SLC71A2: variants seen among roughly 807,000 people sequenced by gnomAD.
SLC71A2 encodes the protein hippocampus abundant transcript-like 1.
At chr9:94,423,475 T>A in the SLC71A2 span, among the ~76,000 whole-genome samples, 1 of 152,146 alleles carries the variant, frequency 6.6e-6, no homozygotes. Context: ...TTCAGCCCTT[T>A]TCGCTAGTGG....
the SLC71A2 span, among the ~76,000 whole-genome samples, chr9:94,454,760 T>C: frequency 9.2e-5 from 14 of 152,208 alleles, no homozygotes; most frequent in African/African-American, 2.2e-4. Context: ...CTATGACTTA[T>C]CATTACCTAT....
the SLC71A2 span, among the ~76,000 whole-genome samples, chr9:94,456,018 A>G: frequency 6.6e-6 from 1 of 152,154 alleles, no homozygotes. Flanking sequence ...CAAGACACAA[A>G]GGTTTCCTGG....
the SLC71A2 span, among the ~76,000 whole-genome samples, chr9:94,457,864 G>A: frequency 6.6e-6 from 1 of 152,184 alleles, no homozygotes; most frequent in Admixed American, 6.5e-5. Flanking sequence ...GAGATATTTA[G>A]GAATTTGGCA....
At chr9:94,447,379 C>T in the SLC71A2 span, among the ~76,000 whole-genome samples, 706 of 151,630 alleles carry the variant, frequency 4.7e-3, 16 homozygotes, top group East Asian at 0.05. Context: ...AGGGTTTCAC[C>T]GTGTTGGCCA....
At chr9:94,405,838 G>C in the SLC71A2 span, among the ~76,000 whole-genome samples, 2 of 151,214 alleles carry the variant, frequency 1.3e-5, no homozygotes, top group Non-Finnish European at 2.9e-5. Flanking sequence ...AAGCATCATT[G>C]GGATTTTGAT....
the SLC71A2 span, among the ~76,000 whole-genome samples, chr9:94,379,368 G>C: frequency 6.9e-6 from 1 of 145,518 alleles, no homozygotes; most frequent in East Asian, 2.0e-4. Context: ...TTACAGGCGT[G>C]AGCCACTGCG....
At chr9:94,457,396 C>CT in the SLC71A2 span, among the ~76,000 whole-genome samples, 120 of 151,502 alleles carry the variant, frequency 7.9e-4, 1 homozygote, top group East Asian at 1.4e-3. Context: ...CCTAAGAGCC[C>CT]TTTTTTTTAA....
the SLC71A2 span, among the ~76,000 whole-genome samples, chr9:94,441,961 T>G: frequency 6.6e-6 from 1 of 152,232 alleles, no homozygotes; most frequent in Non-Finnish European, 1.5e-5. Context: ...TTCAGATGTT[T>G]CAGGGGAAAA....
the SLC71A2 span, among the ~76,000 whole-genome samples, chr9:94,400,478 T>C: frequency 6.7e-6 from 1 of 148,916 alleles, no homozygotes; most frequent in African/African-American, 2.5e-5. Flanking sequence ...GTTTCATTTA[T>C]GCGCAACTTT....
chr9:94,404,154 C>G, the SLC71A2 span, among the ~76,000 whole-genome samples: 1 of 152,232 alleles, frequency 6.6e-6, no homozygotes, highest in East Asian at 1.9e-4. Context: ...TATTTATAAA[C>G]TACCCAGTCT....
the SLC71A2 span, among the ~76,000 whole-genome samples, chr9:94,408,321 C>T: frequency 1.7e-3 from 259 of 152,174 alleles, no homozygotes; most frequent in African/African-American, 2.6e-3. Context: ...CTTTGTAAGT[C>T]GAGGAACAGC....
At chr9:94,454,118 T>TA in the SLC71A2 span, 2 of 1,330,336 alleles carry the variant, frequency 1.5e-6, no homozygotes, top group Non-Finnish European at 2.2e-6. Flanking sequence ...AGATGCCTCT[T>TA]AGAGGAGCTT....
the SLC71A2 span, among the ~76,000 whole-genome samples, chr9:94,431,094 C>T: frequency 2.0e-5 from 3 of 152,136 alleles, no homozygotes; most frequent in Admixed American, 6.5e-5. Flanking sequence ...AGGCGGATCA[C>T]GAGATCAGGA....
At chr9:94,376,615 T>TG in the SLC71A2 span, among the ~76,000 whole-genome samples, 1 of 137,176 alleles carries the variant, frequency 7.3e-6, no homozygotes, top group Non-Finnish European at 1.5e-5. Context: ...TTCGATAAGT[T>TG]AACGTAACTC....
At chr9:94,437,979 A>T in the SLC71A2 span, among the ~76,000 whole-genome samples, 2 of 151,708 alleles carry the variant, frequency 1.3e-5, no homozygotes, top group Non-Finnish European at 2.9e-5. Flanking sequence ...CCCAGCCTAG[A>T]GTACAAAGGC....
At chr9:94,410,928 G>A in the SLC71A2 span, among the ~76,000 whole-genome samples, 6 of 152,128 alleles carry the variant, frequency 3.9e-5, no homozygotes, top group Non-Finnish European at 5.9e-5. Flanking sequence ...ATCACGCCTG[G>A]CCAATTTTTG....
the SLC71A2 span, among the ~76,000 whole-genome samples, chr9:94,395,315 T>A: frequency 6.6e-6 from 1 of 152,338 alleles, no homozygotes; most frequent in East Asian, 1.9e-4. Flanking sequence ...GTCAACAGTT[T>A]AGACAGTTAT....
the SLC71A2 span, among the ~76,000 whole-genome samples, chr9:94,455,958 A>G: frequency 7.2e-5 from 11 of 152,336 alleles, no homozygotes; most frequent in Admixed American, 2.6e-4. Flanking sequence ...ATGTCTAAAG[A>G]TAGCAGTAGG....
At chr9:94,447,462 G>A in the SLC71A2 span, among the ~76,000 whole-genome samples, 1 of 150,178 alleles carries the variant, frequency 6.7e-6, no homozygotes, top group African/African-American at 2.5e-5. Flanking sequence ...TTACAGGCGT[G>A]AGCCACTGTG....
Sources: gnomAD v4.1 joint callset for allele counts (sites outside exome capture counted in the v4.1 genomes callset) on GRCh38, gnomAD v4.1.1 for gene constraint, MANE v1.5 for transcripts, NCBI Gene and HGNC (gene_info 2026-07-23, HGNC 2026-07-21) for gene names.